The following CSMD1 variants were observed in gnomAD, a reference collection of about 807,000 sequenced individuals.
CSMD1 encodes the protein CUB and sushi domain-containing protein 1.
Under a neutral mutation model 417.5 loss-of-function variants are expected in CSMD1, and 213 were observed. That is an observed-to-expected ratio of 0.51 (90% CI 0.46 to 0.57). The LOEUF (loss-of-function observed/expected upper bound fraction) is 0.57. CSMD1 is among the 20% of genes least tolerant of loss of function. The pLI is 0.00. For missense variants in CSMD1, 6,923 were observed against 4,529.7 expected (o/e 1.53, Z -15.17); for synonymous variants, 2,862 against 1,736.8 (o/e 1.65, Z -16.11).
chr8:4,215,221 T>C (rs370119736), intron 3 of CSMD1, among the ~76,000 whole-genome samples: 1 of 152,196 alleles, frequency 6.6e-6, no homozygotes, highest in Non-Finnish European at 1.5e-5. Flanking sequence ...GACCTCTAGG[T>C]AGAAATTCTT....
chr8:3,173,620 G>A (rs568029624), intron 37 of CSMD1, among the ~76,000 whole-genome samples: 159 of 152,188 alleles, frequency 1.0e-3, no homozygotes, highest in Non-Finnish European at 2.0e-3. Context: ...TACACTATTG[G>A]ATGAATGCTG....
chr8:3,893,102 T>A (rs758192552), intron 5 of CSMD1, among the ~76,000 whole-genome samples: 3 of 151,736 alleles, frequency 2.0e-5, no homozygotes, highest in Non-Finnish European at 2.9e-5. Flanking sequence ...CTATTATCTC[T>A]GCAAAAAACA....
At chr8:4,495,545 A>C (rs1178044239) in intron 2 of CSMD1, among the ~76,000 whole-genome samples, 2 of 152,038 alleles carry the variant, frequency 1.3e-5, no homozygotes, top group Non-Finnish European at 2.9e-5. Flanking sequence ...ACTGCACTCT[A>C]GCCTGGGTGA....
chr8:4,293,116 A>G (rs1356002028), intron 3 of CSMD1, among the ~76,000 whole-genome samples: 3 of 152,186 alleles, frequency 2.0e-5, no homozygotes, highest in Non-Finnish European at 4.4e-5. Flanking sequence ...GGGGGCTACC[A>G]GCATCGCCCT....
chr8:4,806,553 A>C (rs1356091117), intron 1 of CSMD1, among the ~76,000 whole-genome samples: 3 of 152,196 alleles, frequency 2.0e-5, no homozygotes, highest in Non-Finnish European at 4.4e-5. Context: ...TAGCATATTA[A>C]CAAAGAGAGA....
At chr8:3,317,211 T>C (rs774998925) in intron 23 of CSMD1, among the ~76,000 whole-genome samples, 1 of 152,180 alleles carries the variant, frequency 6.6e-6, no homozygotes, top group Non-Finnish European at 1.5e-5. Context: ...TCCCCTGTAT[T>C]AACCCAGAAA....
intron 3 of CSMD1, among the ~76,000 whole-genome samples, chr8:4,146,705 G>A (rs148885811): frequency 7.6e-6 from 1 of 132,338 alleles, no homozygotes; most frequent in East Asian, 2.5e-4. Context: ...TCCACCTCCC[G>A]AGTTCACGCC....
At chr8:3,633,450 T>C (rs1012035279) in intron 7 of CSMD1, among the ~76,000 whole-genome samples, 1 of 152,198 alleles carries the variant, frequency 6.6e-6, no homozygotes, top group Non-Finnish European at 1.5e-5. Context: ...ATGCAAATAA[T>C]ATCTAACATA....
At chr8:3,843,345 T>C (rs1803256962) in intron 5 of CSMD1, among the ~76,000 whole-genome samples, 1 of 152,212 alleles carries the variant, frequency 6.6e-6, no homozygotes, top group Non-Finnish European at 1.5e-5. Flanking sequence ...GAAGACTTTA[T>C]TTACTGAATA....
intron 1 of CSMD1, among the ~76,000 whole-genome samples, chr8:4,934,433 T>G (rs575216021): frequency 6.6e-6 from 1 of 152,152 alleles, no homozygotes; most frequent in African/African-American, 2.4e-5. Context: ...TTCATGTAGT[T>G]TTGCAAACCT....
intron 47 of CSMD1, 61 bp downstream of exon 47, chr8:3,096,788 G>T: frequency 9.5e-7 from 1 of 1,052,752 alleles, no homozygotes; most frequent in Non-Finnish European, 1.4e-6. Context: ...CTAAAACATT[G>T]TAATAGTGTT....
rs1801074980 is a variant in CSMD1 at position 4,351,249 on chromosome 8, G to A, written c.415+68704C>T. Among the ~76,000 whole-genome samples the A allele has an allele frequency of 2.0e-5, 3 of 152,172 alleles. No individual in the cohort carries two copies. The South Asian group carries it at 6.2e-4, about 32-fold the overall frequency. On this transcript the variant is annotated intron_variant, in intron 3 of 69. Coordinates refer to ENST00000635120, the MANE Select transcript of CSMD1 (RefSeq NM_033225.6). The stretch of plus-strand genomic sequence containing the variant: ...ATACCTAAAGCTCCATCTACATCCT[G>A]TCTTTCTAAGAAGTAAACATTAGAA...
At chr8:3,248,584 C>T (rs916406507) in intron 26 of CSMD1, among the ~76,000 whole-genome samples, 2 of 125,774 alleles carry the variant, frequency 1.6e-5, no homozygotes, top group South Asian at 2.7e-4. Flanking sequence ...GCCTGGAGTA[C>T]AGTGGCGCGA....
At chr8:4,077,301 A>ATATATATATATATATATATATATATGTG (rs1799877566) in intron 3 of CSMD1, among the ~76,000 whole-genome samples, 1 of 73,542 alleles carries the variant, frequency 1.4e-5, no homozygotes, top group Non-Finnish European at 3.7e-5. Context: ...ATATGTGTAT[A>ATATATATATATATATATATATATATGTG]TATATATATA....
chr8:4,718,497 T>C (rs1020185579), intron 1 of CSMD1, among the ~76,000 whole-genome samples: 2 of 152,020 alleles, frequency 1.3e-5, no homozygotes, highest in Admixed American at 6.6e-5. Context: ...GAATAACTAA[T>C]ATTCCCGCTG....
intron 7 of CSMD1, among the ~76,000 whole-genome samples, chr8:3,656,257 G>A (rs1030076503): frequency 3.3e-5 from 5 of 152,180 alleles, no homozygotes. Context: ...GGAAGGAAAG[G>A]AGAAAGTCAA....
intron 1 of CSMD1, among the ~76,000 whole-genome samples, chr8:4,799,999 G>A (rs547660351): frequency 8.5e-4 from 129 of 152,238 alleles, no homozygotes; most frequent in African/African-American, 2.9e-3. Flanking sequence ...AGAAAAGTTT[G>A]TAAAGACATC....
At chr8:4,183,883 C>T (rs192410021) in intron 3 of CSMD1, among the ~76,000 whole-genome samples, 26 of 152,210 alleles carry the variant, frequency 1.7e-4, no homozygotes, top group African/African-American at 6.3e-4. Context: ...TTAGTTGGGG[C>T]ATGTGGACAG....
At chr8:4,010,883 C>G (rs1302597981) in intron 4 of CSMD1, among the ~76,000 whole-genome samples, 2 of 152,122 alleles carry the variant, frequency 1.3e-5, no homozygotes, top group African/African-American at 4.8e-5. Context: ...ATTCCAAAAC[C>G]AAAAACATAC....
Sources: allele counts gnomAD v4.1 joint callset (sites outside exome capture counted in the v4.1 genomes callset), GRCh38; gene constraint gnomAD v4.1.1; transcripts MANE v1.5; gene names NCBI Gene and HGNC (gene_info 2026-07-23, HGNC 2026-07-21).